PIH1D2: variants seen among roughly 807,000 people sequenced by gnomAD.
PIH1D2 encodes the protein PIH1 domain-containing protein 2.
PIH1D2 carries 25 observed loss-of-function variants against 31.2 expected under a neutral mutation model. The observed-to-expected ratio is 0.80, with a 90% CI of 0.58 to 1.12. The LOEUF is 1.12. PIH1D2 is among the 50% of genes most tolerant of loss of function. PIH1D2 has a pLI of 0.00. For missense variants in PIH1D2, 310 were observed against 356.6 expected (o/e 0.87, Z 1.05); for synonymous variants, 116 against 119.9 (o/e 0.97, Z 0.21).
At chr11:112,065,747 G>A (rs587630218), downstream of PIH1D2, among the ~76,000 whole-genome samples, 8 of 152,278 alleles carry the variant, frequency 5.3e-5, no homozygotes, top group East Asian at 1.4e-3. Flanking sequence ...TTGGGAGGCC[G>A]AGGCGGGCAG....
At chr11:112,067,630 C>T (rs1316065785), downstream of PIH1D2, among the ~76,000 whole-genome samples, 1 of 112,518 alleles carries the variant, frequency 8.9e-6, no homozygotes, top group African/African-American at 3.3e-5. Context: ...CCACTGCACT[C>T]CAGCCTGGGC....
chr11:112,061,357 T>C, downstream of PIH1D2: 1 of 636,830 alleles, frequency 1.6e-6, no homozygotes, highest in Non-Finnish European at 2.7e-6. Context: ...TTCTGTATAC[T>C]TTATTCTTGA....
At position 112,072,997 on chromosome 11, in the gene PIH1D2, C is replaced by T. The variant is rs1566661236; in HGVS notation, c.177+1G>A. On this transcript the variant is annotated splice_donor_variant, in intron 2 of 5. Transcript: ENST00000280350. LOFTEE classifies it high-confidence loss of function. ...CCATCCCTGGCACCAACTCGACATACCAGAATCCTGGTCTGTAGACAAAGC... is the reference window on the plus strand; with the variant it reads ...CCATCCCTGGCACCAACTCGACATATCAGAATCCTGGTCTGTAGACAAAGC... The T allele has an allele frequency of 1.2e-6, 2 of 1,601,484 alleles. No individual in the cohort carries two copies. Among genetic ancestry groups the T allele is most frequent in the African/African-American group, 2.7e-5 (2 of 74,706 alleles).
At chr11:112,073,380 TA>T (rs1865210360) in intron 1 of PIH1D2, among the ~76,000 whole-genome samples, 175 bp from the exon 2 acceptor site, 2 of 152,168 alleles carry the variant, frequency 1.3e-5, no homozygotes, top group African/African-American at 4.8e-5. Context: ...AATTATCTAG[TA>T]CCTCTTCCTA....
In PIH1D2 at chr11:112,072,987, A is replaced by C. The variant is rs1555184998; in HGVS notation, c.177+11T>G. On this transcript the variant is annotated intron_variant, in intron 2 of 5. Transcript: ENST00000280350. ...CAAGACCTCCCCATCCCTGGCACCA[A>C]CTCGACATACCAGAATCCTGGTCTG... 6.3e-7 allele frequency: 1 copy of C among 1,589,044 alleles called. No individual in the cohort carries two copies. Among genetic ancestry groups the C allele is most frequent in the Non-Finnish European group, 8.6e-7 (1 of 1,163,308 alleles).
Position 112,071,639 on chromosome 11 carries a change from TATCTC to T in PIH1D2, c.292_296del (p.Glu98IlefsTer8), listed in dbSNP as rs782726159. ...CTTTCTCTCAATTATTTGTACCTGA[TATCTC>T]AGTTGTATCTTCTGGTTTGCCAACA... On this transcript the variant is annotated frameshift_variant, in exon 3 of 6. Coordinates refer to ENST00000280350, the MANE Select transcript of PIH1D2 (RefSeq NM_138789.4). LOFTEE classifies it high-confidence loss of function. 3 of 1,613,522 alleles carry T rather than the reference TATCTC, an allele frequency of 1.9e-6. No homozygotes were observed. The highest frequency in any genetic ancestry group is 2.5e-6 in the Non-Finnish European group (3 of 1,179,452).
chr11:112,055,872 TTTTTTTTTTTTTTTG>T, the PIH1D2 span, among the ~76,000 whole-genome samples: 1 of 114,574 alleles, frequency 8.7e-6, no homozygotes, highest in African/African-American at 3.5e-5. Context: ...TTTTTTTTTT[TTTTTTTTTTTTTTTG>T]AGGTGGAGTC....
chr11:112,061,607 C>T (rs1161828610), downstream of PIH1D2: 1 of 190,462 alleles, frequency 5.3e-6, no homozygotes, highest in East Asian at 1.4e-4. Context: ...TGGAGTCTCA[C>T]TCACCCTGTC....
intron 4 of PIH1D2, 162 bp from the exon 5 acceptor site, chr11:112,070,863 A>C (rs1865087932): frequency 2.5e-6 from 3 of 1,220,672 alleles, no homozygotes; most frequent in Non-Finnish European, 2.2e-6. Context: ...AATTTGATTG[A>C]AAATTTTTCA....
downstream of PIH1D2, among the ~76,000 whole-genome samples, chr11:112,064,842 A>ATTTTT (rs11412850): frequency 7.4e-6 from 1 of 134,938 alleles, no homozygotes. Context: ...TGGTCTCCAA[A>ATTTTT]TTTTTTTTTT....
chr11:112,067,931 C>T lies in PIH1D2; in HGVS notation c.888G>A (p.Met296Ile), dbSNP rs200817010. 1 of 1,609,902 alleles carries T rather than the reference C, an allele frequency of 6.2e-7. No individual in the cohort carries two copies. Among genetic ancestry groups the T allele is most frequent in the East Asian group, 2.2e-5 (1 of 44,724 alleles). ...TTTCTTTGATAAATTTTGCTGTGGT[C>T]ATTTCAGTATCAATAAGTTTTGGAA... The part of the protein sequence containing the change: ...LNLPKLIDTE[M>I]TTAKFIKEKS... The change falls in exon 6 of 6, where the codon ATG (methionine) becomes ATA (isoleucine). Residue 296 changes from methionine (M) to isoleucine (I), a missense_variant. Physicochemically the swap from Met to Ile is conservative, Grantham distance 10. Transcript: ENST00000280350.
downstream of PIH1D2, chr11:112,064,160 T>A: frequency 6.4e-7 from 1 of 1,561,400 alleles, no homozygotes; most frequent in Non-Finnish European, 8.7e-7. Flanking sequence ...CAAATCTGGT[T>A]CAAACATTCA....
downstream of PIH1D2, chr11:112,061,250 G>T: frequency 6.5e-7 from 1 of 1,530,326 alleles, no homozygotes. Flanking sequence ...TATCCTCAGG[G>T]GATTGGCTCC....
chr11:112,055,829 C>T, the PIH1D2 span, among the ~76,000 whole-genome samples: 1 of 107,404 alleles, frequency 9.3e-6, no homozygotes, highest in East Asian at 2.7e-4. Flanking sequence ...TAATTCTCCT[C>T]TGTGCCAGCA....
At chr11:112,070,057 C>CT (rs781962797) in intron 5 of PIH1D2, 1 of 332,840 alleles carries the variant, frequency 3.0e-6, no homozygotes, top group Non-Finnish European at 5.5e-6. Context: ...AGGACTGACT[C>CT]TAACTATTTG....
the PIH1D2 span, among the ~76,000 whole-genome samples, chr11:112,055,847 ACTT>A: frequency 2.0e-5 from 1 of 49,672 alleles, no homozygotes; most frequent in African/African-American, 7.0e-5. Flanking sequence ...GCATATAGAC[ACTT>A]TTTTTTTTTT....
At chr11:112,059,880 T>C (rs1443985740), downstream of PIH1D2, 3 of 1,545,688 alleles carry the variant, frequency 1.9e-6, no homozygotes, top group Non-Finnish European at 2.6e-6. Flanking sequence ...TTTTTTATTA[T>C]ATTTATTTTT....
rs1566655799 is a variant in PIH1D2 at position 112,070,568 on chromosome 11, C to T, written c.681G>A (p.Gln227=). 1 of 1,614,142 alleles carries T rather than the reference C, an allele frequency of 6.2e-7. No individual in the cohort carries two copies. Among genetic ancestry groups the T allele is most frequent in the Non-Finnish European group, 8.5e-7 (1 of 1,180,018 alleles). ...LIEEISSTEI[Q]VEMKMPAYEL... ...CATAGGCTGGCATCTTCATCTCCAC[C>T]TGGATTTCAGTACTGGAAATCTCTT... The change falls in exon 5 of 6, where the codon CAG becomes CAA. Residue 227 remains glutamine (Q), a synonymous_variant. Coordinates refer to ENST00000280350, the MANE Select transcript of PIH1D2 (RefSeq NM_138789.4).
downstream of PIH1D2, among the ~76,000 whole-genome samples, chr11:112,065,995 C>CA (rs880003662): frequency 7.9e-3 from 1,074 of 136,066 alleles, 11 homozygotes; most frequent in African/African-American, 0.026. Flanking sequence ...GAGACTCTGT[C>CA]AAAAAAAAAA....
Sources: gnomAD v4.1 joint callset for allele counts (sites outside exome capture counted in the v4.1 genomes callset) on GRCh38, gnomAD v4.1.1 for gene constraint, MANE v1.5 for transcripts, NCBI Gene and HGNC (gene_info 2026-07-23, HGNC 2026-07-21) for gene names.